CCDC3: variants seen among roughly 807,000 people sequenced by gnomAD.
The protein encoded by CCDC3 is coiled-coil domain-containing protein 3.
CCDC3 carries 24 observed loss-of-function variants against 21.4 expected under a neutral mutation model. The observed-to-expected ratio is 1.12, with a 90% confidence interval of 0.81 to 1.58. The LOEUF (loss-of-function observed/expected upper bound fraction) is 1.58. CCDC3 is among the 40% of genes most tolerant of loss of function. The pLI is 0.00. For synonymous variants in CCDC3, 186 were observed against 166.0 expected, an observed-to-expected ratio of 1.12 and a Z score of -0.93; for missense variants, 425 against 360.9, an observed-to-expected ratio of 1.18 and a Z score of -1.44.
At chr10:12,910,594 CAAAAA>C (rs61243830) in intron 2 of CCDC3, among the ~76,000 whole-genome samples, 1 of 91,094 alleles carries the variant, frequency 1.1e-5, no homozygotes, top group Non-Finnish European at 2.2e-5. Flanking sequence ...CTAGTCAGAG[CAAAAA>C]AAAAAAAAAA....
chr10:13,077,078 T>C (rs534804813), intron 3 of CCDC3, among the ~76,000 whole-genome samples: 28 of 152,294 alleles, frequency 1.8e-4, no homozygotes, highest in Admixed American at 2.0e-4. Flanking sequence ...TTGTCCCTAT[T>C]TGCACATGAC....
chr10:12,915,203 T>C (rs540752548), intron 2 of CCDC3, among the ~76,000 whole-genome samples: 1 of 152,278 alleles, frequency 6.6e-6, no homozygotes, highest in African/African-American at 2.4e-5. Flanking sequence ...TTTCAAACGA[T>C]TGTGGTTAAA....
chr10:12,910,697 C>T (rs1432775683), intron 2 of CCDC3, among the ~76,000 whole-genome samples: 1 of 151,466 alleles, frequency 6.6e-6, no homozygotes, highest in Non-Finnish European at 1.5e-5. Flanking sequence ...GCAACCTCCA[C>T]CTACCGAGTT....
intron 5 of CCDC3, among the ~76,000 whole-genome samples, chr10:13,022,410 T>C (rs570105769): frequency 2.0e-5 from 3 of 152,262 alleles, no homozygotes; most frequent in South Asian, 2.1e-4. Flanking sequence ...GAAGTCCATC[T>C]TAGATCAGGA....
chr10:13,049,475 G>T (rs1054661588), intron 5 of CCDC3, among the ~76,000 whole-genome samples: 3 of 152,098 alleles, frequency 2.0e-5, no homozygotes, highest in South Asian at 2.1e-4. Flanking sequence ...AACCTGTGAC[G>T]CTGGAAAAGT....
rs554531974 is a variant in CCDC3 at position 13,092,707 on chromosome 10, T to C, written c.-503+5818A>G. On this transcript the variant is annotated intron_variant, in intron 3 of 6. Transcript: ENST00000378839. Reference sequence around the variant, plus strand: ...TGACCAGTTGCAAAATTTAAAGATATAGCAGCTGGAGAAGTGAACCATAGG... The same window carrying C: ...TGACCAGTTGCAAAATTTAAAGATACAGCAGCTGGAGAAGTGAACCATAGG... 2.6e-4 allele frequency among the ~76,000 whole-genome samples: 39 copies of C among 152,334 alleles called. 1 individual carries two copies. Among genetic ancestry groups the C allele is most frequent in the Admixed American group, 1.4e-3 (21 of 15,304 alleles).
chr10:12,978,600 G>A (rs683848), intron 2 of CCDC3, among the ~76,000 whole-genome samples: 75,268 of 151,646 alleles, frequency 0.5, 18,778 homozygotes, highest in South Asian at 0.55. Flanking sequence ...AGAAAGGCAG[G>A]AGGCCAACCT....
intron 3 of CCDC3, among the ~76,000 whole-genome samples, chr10:13,079,265 G>A (rs1455216561): frequency 1.6e-3 from 24 of 15,066 alleles, no homozygotes; most frequent in Non-Finnish European, 3.1e-3. Flanking sequence ...CTCTCATGAG[G>A]AGGCACGCGT....
intron 2 of CCDC3, among the ~76,000 whole-genome samples, chr10:12,940,936 C>G (rs944557055): frequency 3.6e-4 from 53 of 146,984 alleles, no homozygotes; most frequent in African/African-American, 1.4e-3. Flanking sequence ...AATTGCTGAT[C>G]TTTGCACTTG....
rs189439374 is a variant in CCDC3 at position 13,078,848 on chromosome 10, C to T, written c.-502-4748G>A. ...ACACAGGGTGGGGAACATCACACAA[C>T]GGGGCCTGTCGTGGGGTGGGGGGAG... is the stretch of plus-strand genomic sequence containing the variant. On this transcript the variant is annotated intron_variant, in intron 3 of 6. Transcript: ENST00000378839. 2.4e-3 allele frequency among the ~76,000 whole-genome samples: 257 copies of T among 105,396 alleles called. 1 individual carries two copies. The highest frequency in any genetic ancestry group is 4.5e-3 in the South Asian group (13 of 2,862). The allele number at this position is 105,396 out of a possible 152,430, so 69.1% of individuals were successfully genotyped here. A position where few individuals can be genotyped will look rare whatever the true frequency, so the allele number is the denominator to read the frequency against.
chr10:12,987,806 G>A (rs1835620989), intron 2 of CCDC3, among the ~76,000 whole-genome samples: 1 of 152,184 alleles, frequency 6.6e-6, no homozygotes, highest in African/African-American at 2.4e-5. Context: ...GCAGTGGTCT[G>A]TGATCAAAGA....
At chr10:12,962,506 G>A (rs1564300350) in intron 2 of CCDC3, among the ~76,000 whole-genome samples, 1 of 152,312 alleles carries the variant, frequency 6.6e-6, no homozygotes, top group East Asian at 1.9e-4. Context: ...AGGAGGCTGA[G>A]GCAGGAGAAT....
chr10:13,024,502 G>A (rs1288237262), intron 5 of CCDC3, among the ~76,000 whole-genome samples: 1 of 152,098 alleles, frequency 6.6e-6, no homozygotes, highest in Admixed American at 6.5e-5. Context: ...TGACCCTAAA[G>A]CCATATTTCA....
intron 2 of CCDC3, among the ~76,000 whole-genome samples, chr10:12,929,049 G>T (rs902907474): frequency 1.3e-5 from 2 of 152,114 alleles, no homozygotes; most frequent in South Asian, 2.1e-4. Flanking sequence ...GGATCATGAG[G>T]TCAGGAGTTC....
rs371508399 is a variant in CCDC3, at chr10:12,989,195, C to T, written c.549+9143G>A. Among the ~76,000 whole-genome samples, 17 of 152,320 alleles carry T rather than the reference C, an allele frequency of 1.1e-4. No homozygotes were observed. The South Asian group carries it at 3.5e-3, about 32-fold the overall frequency. ...GCCCAGCTCCTGAAATCATTCCAAGCTCAATGTTCACTCAAGGTCTCCTGA... is the reference window on the plus strand; with the variant it reads ...GCCCAGCTCCTGAAATCATTCCAAGTTCAATGTTCACTCAAGGTCTCCTGA... On this transcript the variant is annotated intron_variant, in intron 2 of 2. Coordinates refer to ENST00000378825, the MANE Select transcript of CCDC3 (RefSeq NM_031455.4).
intron 2 of CCDC3, among the ~76,000 whole-genome samples, chr10:12,935,969 A>G (rs1834730864): frequency 6.6e-6 from 1 of 152,210 alleles, no homozygotes; most frequent in African/African-American, 2.4e-5. Context: ...ACTTTTACAA[A>G]AGTGAATACA....
At chr10:12,929,090 C>T (rs188720832) in intron 2 of CCDC3, among the ~76,000 whole-genome samples, 1 of 152,082 alleles carries the variant, frequency 6.6e-6, no homozygotes, top group Admixed American at 6.5e-5. Flanking sequence ...GGTGAAACCC[C>T]TCCTCTACTA....
At position 12,898,445 on chromosome 10, in the gene CCDC3, GC is replaced by G. The variant is rs766519127; in HGVS notation, c.783del (p.Val263CysfsTer25). 1.2e-6 allele frequency: 2 copies of G among 1,607,852 alleles called. No homozygotes were observed. Among genetic ancestry groups the G allele is most frequent in the Non-Finnish European group, 1.7e-6 (2 of 1,176,450 alleles). ...CCCCGCAGGTAGGGGGGGCGCACGG[GC>G]CCCCGGGCATTGATGTGCGGCAGCG... ...AGALPHINAR[G>X]PVRPPYLRG is the part of the protein sequence containing the mutation. On this transcript the variant is annotated frameshift_variant, in exon 3 of 3. Transcript: ENST00000378825. LOFTEE classifies it high-confidence loss of function.
intron 5 of CCDC3, among the ~76,000 whole-genome samples, chr10:13,045,501 C>G (rs1836513488): frequency 6.6e-6 from 1 of 152,048 alleles, no homozygotes; most frequent in African/African-American, 2.4e-5. Flanking sequence ...ACCTGTAGAC[C>G]CAGCTACTCA....
Sources: allele counts gnomAD v4.1 joint callset (sites outside exome capture counted in the v4.1 genomes callset), GRCh38; gene constraint gnomAD v4.1.1; transcripts MANE v1.5; gene names NCBI Gene and HGNC (gene_info 2026-07-23, HGNC 2026-07-21).